The following SCMH1 variants were observed in gnomAD, a reference collection of about 807,000 sequenced individuals.
SCMH1 encodes polycomb protein SCMH1.
SCMH1 carries 37 observed loss-of-function variants against 70.8 expected under a neutral mutation model. That is an observed-to-expected ratio of 0.52 (90% CI 0.40 to 0.69). The LOEUF (loss-of-function observed/expected upper bound fraction) is 0.69, where lower values mean the gene tolerates loss of function less well. Among genes scored for constraint, SCMH1 ranks in the 30% least tolerant of loss-of-function variants. The pLI is 0.00. For synonymous variants in SCMH1, 292 were observed against 307.4 expected, an observed-to-expected ratio of 0.95 and a Z score of 0.52; for missense variants, 607 against 827.3, an observed-to-expected ratio of 0.73 and a Z score of 3.27.
chr1:41,158,921 G>T (rs893121769), intron 4 of SCMH1, among the ~76,000 whole-genome samples: 15 of 152,234 alleles, frequency 9.9e-5, no homozygotes, highest in African/African-American at 3.6e-4. Context: ...AAGTCAGAGG[G>T]ATGACTAACA....
chr1:41,068,679 T>C (rs1655493642), intron 10 of SCMH1, among the ~76,000 whole-genome samples: 1 of 152,218 alleles, frequency 6.6e-6, no homozygotes, highest in African/African-American at 2.4e-5. Context: ...GTGCTGGGAT[T>C]ACAGGCGTGA....
intron 12 of SCMH1, 61 bp downstream of exon 12, chr1:41,046,346 T>G: frequency 3.4e-6 from 5 of 1,467,034 alleles, no homozygotes; most frequent in Non-Finnish European, 4.7e-6. Flanking sequence ...CCTGGGCCCC[T>G]GCAGGTGCTG....
chr1:41,132,779 C>T (rs1642583248), intron 6 of SCMH1, among the ~76,000 whole-genome samples: 1 of 152,174 alleles, frequency 6.6e-6, no homozygotes, highest in Non-Finnish European at 1.5e-5. Flanking sequence ...GTTTTCCCAG[C>T]ACCATTTATT....
intron 6 of SCMH1, 93 bp downstream of exon 6, chr1:41,142,785 T>C (rs1443757114): frequency 5.6e-6 from 6 of 1,066,456 alleles, no homozygotes; most frequent in Non-Finnish European, 8.4e-6. Context: ...AGGGATAAGC[T>C]GGGTACCCTA....
At position 41,128,849 on chromosome 1, in the gene SCMH1, T is replaced by C. The variant is rs1410387363; in HGVS notation, c.413-11839A>G. On this transcript the variant is annotated intron_variant, in intron 6 of 14. Coordinates refer to ENST00000337495, the Ensembl canonical transcript of SCMH1. The stretch of plus-strand genomic sequence containing the variant: ...GCTTTCTTTTTCAGTTCTTTTTCTC[T>C]CTGTGTTTCATTTGGATAGTTTATA... Among the ~76,000 whole-genome samples the C allele has an allele frequency of 2.0e-5, 3 of 152,278 alleles. No homozygotes were observed. The South Asian group carries it at 6.2e-4, about 32-fold the overall frequency.
At chr1:41,112,250 T>C (rs12132884) in intron 8 of SCMH1, among the ~76,000 whole-genome samples, 11,876 of 152,258 alleles carry the variant, frequency 0.078, 596 homozygotes, top group South Asian at 0.13. Context: ...CAGCTTGGCT[T>C]ACAATTAGGT....
intron 1 of SCMH1, among the ~76,000 whole-genome samples, chr1:41,231,513 T>C (rs1661289643): frequency 6.6e-6 from 1 of 152,236 alleles, no homozygotes; most frequent in South Asian, 2.1e-4. Context: ...GCATATTTGT[T>C]ACAATTCATG....
chr1:41,033,954 G>A (rs750102273), intron 13 of SCMH1, 29 bp downstream of exon 14: 1 of 1,613,832 alleles, frequency 6.2e-7, no homozygotes, highest in South Asian at 1.1e-5. Flanking sequence ...CCTTGGGGAA[G>A]ATAAAAATAA....
At chr1:41,064,380 G>A (rs1044565938) in intron 10 of SCMH1, among the ~76,000 whole-genome samples, 2 of 152,174 alleles carry the variant, frequency 1.3e-5, no homozygotes, top group South Asian at 4.1e-4. Flanking sequence ...CATCATACTG[G>A]AAGTCCTAGC....
chr1:41,223,049 C>A (rs1480574682), intron 1 of SCMH1, among the ~76,000 whole-genome samples: 1 of 151,900 alleles, frequency 6.6e-6, no homozygotes, highest in Non-Finnish European at 1.5e-5. Flanking sequence ...ATTTCTTTAT[C>A]CCCTAATCTG....
chr1:41,037,580 C>G (rs1299878111), intron 12 of SCMH1, 39 bp from the exon 13 acceptor site: 1 of 1,582,610 alleles, frequency 6.3e-7, no homozygotes, highest in East Asian at 2.2e-5. Flanking sequence ...CTTAGAAGGA[C>G]TGCCAGAGTG....
At chr1:41,217,639 G>A (rs1466632853) in intron 1 of SCMH1, among the ~76,000 whole-genome samples, 3 of 152,206 alleles carry the variant, frequency 2.0e-5, no homozygotes, top group African/African-American at 7.2e-5. Context: ...GACTGACAAG[G>A]TTTTTGAGAA....
chr1:41,143,456 C>T (rs1379428281), intron 5 of SCMH1, among the ~76,000 whole-genome samples: 2 of 152,100 alleles, frequency 1.3e-5, no homozygotes, highest in Non-Finnish European at 2.9e-5. Flanking sequence ...CTACTACGTC[C>T]TATTAAACTA....
chr1:41,168,218 T>G (rs969337388), intron 2 of SCMH1, among the ~76,000 whole-genome samples: 1 of 152,134 alleles, frequency 6.6e-6, no homozygotes, highest in East Asian at 1.9e-4. Flanking sequence ...CTGACATAAT[T>G]TCTTTGAATA....
At chr1:41,035,432 T>C (rs567033763) in intron 13 of SCMH1, among the ~76,000 whole-genome samples, 2 of 152,328 alleles carry the variant, frequency 1.3e-5, no homozygotes, top group South Asian at 4.1e-4. Context: ...CCAAGCATAG[T>C]TGGGCCCTGA....
rs1309032784 is a variant in SCMH1, at chr1:41,127,818, T to C, written c.413-10808A>G. Among the ~76,000 whole-genome samples, 7 of 152,126 alleles carry C rather than the reference T, an allele frequency of 4.6e-5. No homozygotes were observed. In the East Asian group the frequency reaches 1.2e-3, roughly 25 times the overall value. ...CCTCCCTTCCTTCTTCCTTCTCCTGTGAGAACACAGTGAGAAGGCAGCCAT... is the reference window on the plus strand; with the variant it reads ...CCTCCCTTCCTTCTTCCTTCTCCTGCGAGAACACAGTGAGAAGGCAGCCAT... On this transcript the variant is annotated intron_variant, in intron 6 of 14. Coordinates refer to ENST00000337495, the Ensembl canonical transcript of SCMH1.
At chr1:41,160,822 C>T (rs1645955015) in intron 4 of SCMH1, 53 bp downstream of exon 4, 1 of 1,498,608 alleles carries the variant, frequency 6.7e-7, no homozygotes. Context: ...ATAATCTAAT[C>T]CCTGGTTTAC....
At chr1:41,180,530 A>G (rs949910868) in intron 2 of SCMH1, among the ~76,000 whole-genome samples, 1 of 152,246 alleles carries the variant, frequency 6.6e-6, no homozygotes, top group Admixed American at 6.5e-5. Flanking sequence ...TGCAAAAATC[A>G]AAAGCATTCT....
chr1:41,218,670 C>T (rs1235541751), intron 1 of SCMH1, among the ~76,000 whole-genome samples: 1 of 152,178 alleles, frequency 6.6e-6, no homozygotes. Context: ...CCTCTTAATA[C>T]TACCTAATAT....
Sources: allele counts gnomAD v4.1 joint callset (sites outside exome capture counted in the v4.1 genomes callset), GRCh38; gene constraint gnomAD v4.1.1; transcripts MANE v1.5; gene names NCBI Gene and HGNC (gene_info 2026-07-23, HGNC 2026-07-21).